Variants in ADH6 observed in about 807,000 individuals in gnomAD.
ADH6 encodes the protein alcohol dehydrogenase 6 (class V).
In ADH6, 34 loss-of-function variants were observed where a neutral mutation model predicts 36.5. The ratio of observed to expected loss-of-function variants is 0.93; its 90% CI spans 0.71 to 1.24. ADH6 has a LOEUF of 1.24. Ranked by LOEUF, ADH6 falls within the 50% of genes most tolerant of loss-of-function variation. ADH6 has a pLI of 0.00. For synonymous variants in ADH6, 161 were observed against 155.5 expected, an observed-to-expected ratio of 1.04 and a Z score of -0.26; for missense variants, 440 against 447.0, an observed-to-expected ratio of 0.98 and a Z score of 0.14.
At chr4:99,218,029 AT>A (rs1432672398) in intron 1 of ADH6, among the ~76,000 whole-genome samples, 3 of 152,160 alleles carry the variant, frequency 2.0e-5, no homozygotes, top group African/African-American at 7.2e-5. Flanking sequence ...GGTCTTATCT[AT>A]TTTTGCAGAT....
chr4:99,217,316 G>A (rs1019135540), intron 1 of ADH6, among the ~76,000 whole-genome samples: 1 of 152,136 alleles, frequency 6.6e-6, no homozygotes, highest in African/African-American at 2.4e-5. Flanking sequence ...GATTACAGGC[G>A]TGAGCCACCA....
chr4:99,211,565 T>C (rs1304370433), intron 3 of ADH6, among the ~76,000 whole-genome samples: 1 of 152,144 alleles, frequency 6.6e-6, no homozygotes, highest in Non-Finnish European at 1.5e-5. Flanking sequence ...ACTGTGACTA[T>C]GTTGTGGTGT....
intron 1 of ADH6, among the ~76,000 whole-genome samples, chr4:99,217,037 A>ATTTTGT (rs1447342033): frequency 6.6e-6 from 1 of 151,752 alleles, no homozygotes; most frequent in East Asian, 1.9e-4. Context: ...TTTGTACTTT[A>ATTTTGT]TTTTGTTTTT....
At chr4:99,209,345 T>C (rs887512752) in intron 5 of ADH6, among the ~76,000 whole-genome samples, 1 of 152,096 alleles carries the variant, frequency 6.6e-6, no homozygotes, top group East Asian at 1.9e-4. Context: ...ACTTATCGGG[T>C]CAATACCTTG....
At chr4:99,212,557 G>C (rs1047210730) in intron 3 of ADH6, among the ~76,000 whole-genome samples, 2 of 152,012 alleles carry the variant, frequency 1.3e-5, no homozygotes, top group Non-Finnish European at 2.9e-5. Flanking sequence ...TCACCATGCT[G>C]TTCAATAGAT....
intron 3 of ADH6, among the ~76,000 whole-genome samples, chr4:99,212,940 A>G (rs545067685): frequency 6.6e-6 from 1 of 151,816 alleles, no homozygotes; most frequent in East Asian, 1.9e-4. Flanking sequence ...TATCTATTTT[A>G]TATCTGCTGG....
At chr4:99,209,840 C>G (rs1731160987) in intron 5 of ADH6, among the ~76,000 whole-genome samples, 1 of 152,082 alleles carries the variant, frequency 6.6e-6, no homozygotes, top group South Asian at 2.1e-4. Context: ...CCAGTAATTC[C>G]TGATCTTTCC....
chr4:99,212,220 G>A (rs1243012593), intron 3 of ADH6, among the ~76,000 whole-genome samples: 17 of 151,992 alleles, frequency 1.1e-4, no homozygotes, highest in Admixed American at 1.0e-3. Flanking sequence ...ATTTAGAGTC[G>A]AGCAAATCTA....
chr4:99,219,065 T>A, intron 1 of ADH6, 70 bp downstream of exon 1: 1 of 1,472,782 alleles, frequency 6.8e-7, no homozygotes, highest in East Asian at 2.3e-5. Flanking sequence ...GGTGATGAGA[T>A]GTTGGTAAAG....
At chr4:99,215,493 G>T (rs571872890) in intron 2 of ADH6, among the ~76,000 whole-genome samples, 1 of 152,262 alleles carries the variant, frequency 6.6e-6, no homozygotes, top group South Asian at 2.1e-4. Context: ...CTGGAGATGG[G>T]ACTTGGTTAT....
In ADH6 at chr4:99,204,223, A is replaced by G; in HGVS notation, c.1124T>C (p.Leu375Pro). 1 of 1,603,088 alleles carries G rather than the reference A, an allele frequency of 6.2e-7. No homozygotes were observed. Among genetic ancestry groups the G allele is most frequent in the Non-Finnish European group, 8.5e-7 (1 of 1,178,548 alleles). Reference sequence around the variant, plus strand: ...CTTGCATGTATTACATTGTACTTAAAGTAACAGGATACAGCGGATACTGAA... The same window carrying G: ...CTTGCATGTATTACATTGTACTTAAGGTAACAGGATACAGCGGATACTGAA... ...TGKCIRCILLL is the reference protein window; with the variant it reads ...TGKCIRCILLP Residue 375 changes from leucine (L) to proline (P), a missense_variant, in exon 9 of 9, where the codon CTT becomes CCT. By Grantham distance (98) the Leu-to-Pro change is moderately conservative. Coordinates refer to ENST00000394899, the MANE Select transcript of ADH6 (RefSeq NM_001102470.2).
intron 8 of ADH6, 79 bp downstream of exon 8, chr4:99,204,846 C>A (rs1289831297): frequency 6.7e-7 from 1 of 1,499,692 alleles, no homozygotes; most frequent in Admixed American, 2.3e-5. Context: ...CAGGGACGAC[C>A]CTTCTTCTAC....
chr4:99,213,976 G>A (rs569685805), intron 2 of ADH6, among the ~76,000 whole-genome samples: 7 of 152,346 alleles, frequency 4.6e-5, no homozygotes, highest in African/African-American at 1.4e-4. Flanking sequence ...ACTGGGGAGT[G>A]TGGGTAGAAT....
rs775535307 is a variant in ADH6 at position 99,219,105 on chromosome 4, A to G, written c.18+30T>C. Reference sequence around the variant, plus strand: ...GAGCACACAAACTGACAAAGATATGACACAACATAAAGAATAAGACTGCAC... The same window carrying G: ...GAGCACACAAACTGACAAAGATATGGCACAACATAAAGAATAAGACTGCAC... On this transcript the variant is annotated intron_variant, in intron 1 of 8. Transcript: ENST00000394899. 7 of 1,603,954 alleles carry G rather than the reference A, an allele frequency of 4.4e-6. No homozygotes were observed. The Admixed American group carries it at 1.2e-4, about 27-fold the overall frequency.
At position 99,205,037 on chromosome 4, in the gene ADH6, T is replaced by C. The variant is rs781293343; in HGVS notation, c.991A>G (p.Lys331Glu). ...TCTGCCATATAATCAGCAACCAGTT[T>C]AGGGATGTGCTGTCTGCTCTTCCAG... ...GGWKSRQHIP[K>E]LVADYMAEKL... The change falls in exon 8 of 9, where the codon AAA becomes GAA. Residue 331 changes from lysine to glutamate, a missense_variant. Lys to Glu is a moderately conservative substitution (Grantham distance 56, BLOSUM62 1). Transcript: ENST00000394899. The C allele has an allele frequency of 5.0e-6, 8 of 1,598,454 alleles. No homozygotes were observed. The highest frequency in any genetic ancestry group is 6.8e-6 in the Non-Finnish European group (8 of 1,172,714).
At position 99,204,204 on chromosome 4, in the gene ADH6, T is replaced by C. The variant is rs370424785; in HGVS notation, c.*15A>G. On this transcript the variant is annotated 3_prime_UTR_variant, in exon 9 of 9. Coordinates refer to ENST00000394899, the MANE Select transcript of ADH6 (RefSeq NM_001102470.2). ...GGTGAAATATCCTTTGGGTCTTGCA[T>C]GTATTACATTGTACTTAAAGTAACA... The C allele has an allele frequency of 3.1e-6, 5 of 1,598,872 alleles. No individual in the cohort carries two copies. The highest frequency in any genetic ancestry group is 2.7e-5 in the African/African-American group (2 of 74,484).
rs1731173913 is a variant in ADH6 at position 99,210,212 on chromosome 4, G to T, written c.437C>A (p.Thr146Asn). 1 of 1,613,632 alleles carries T rather than the reference G, an allele frequency of 6.2e-7. No individual in the cohort carries two copies. The highest frequency in any genetic ancestry group is 8.5e-7 in the Non-Finnish European group (1 of 1,179,854). ...KSIYHFGNTS[T>N]FCEYTVIKEI... Reference sequence around the variant, plus strand: ...CTTTATCACTGTGTATTCACAGAAGGTGCTGGTATTACCAAAGTGATATAT... The same window carrying T: ...CTTTATCACTGTGTATTCACAGAAGTTGCTGGTATTACCAAAGTGATATAT... The change falls in exon 5 of 9, where the codon ACC becomes AAC. Residue 146 changes from threonine to asparagine, a missense_variant. Transcript: ENST00000394899.
chr4:99,210,506 A>C lies in ADH6; in HGVS notation c.263-4T>G. 1 of 1,594,960 alleles carries C rather than the reference A, an allele frequency of 6.3e-7. No homozygotes were observed. Among genetic ancestry groups the C allele is most frequent in the Non-Finnish European group, 8.6e-7 (1 of 1,165,374 alleles). On this transcript the variant is annotated splice_polypyrimidine_tract_variant and splice_region_variant and intron_variant, in intron 3 of 8. Coordinates refer to ENST00000394899, the MANE Select transcript of ADH6 (RefSeq NM_001102470.2). ...AAGAGTGTGATAACTTTGTCACCTAAAAGAGCAAAATCATGTCTTATTAAC... is the reference window on the plus strand; with the variant it reads ...AAGAGTGTGATAACTTTGTCACCTACAAGAGCAAAATCATGTCTTATTAAC...
chr4:99,210,281 A>G lies in ADH6; in HGVS notation c.368T>C (p.Leu123Pro). 1 of 1,613,736 alleles carries G rather than the reference A, an allele frequency of 6.2e-7. No individual in the cohort carries two copies. The highest frequency in any genetic ancestry group is 8.5e-7 in the Non-Finnish European group (1 of 1,179,766). Residue 123 changes from leucine to proline, a missense_variant, in exon 5 of 9, where the codon CTG becomes CCG. Leu to Pro is a moderately conservative substitution (Grantham distance 98). Coordinates refer to ENST00000394899, the MANE Select transcript of ADH6 (RefSeq NM_001102470.2). ...AAACCTGCTGGTACCATCAGACATC[A>G]GTTGGGTTTTTGACTGTCTTTTATA... ...CIQFKQSKTQ[L>P]MSDGTSRFTC...
Sources: gnomAD v4.1 joint callset for allele counts (sites outside exome capture counted in the v4.1 genomes callset) on GRCh38, gnomAD v4.1.1 for gene constraint, MANE v1.5 for transcripts, NCBI Gene and HGNC (gene_info 2026-07-23, HGNC 2026-07-21) for gene names.